Variants in NUP88 observed in about 807,000 individuals in gnomAD.
The protein encoded by NUP88 is nuclear pore complex protein Nup88.
NUP88 carries 57 observed loss-of-function variants against 93.9 expected under a neutral mutation model. The observed-to-expected ratio is 0.61, with a 90% CI of 0.49 to 0.76. NUP88 has a LOEUF of 0.76. Among genes scored for constraint, NUP88 ranks in the 30% least tolerant of loss-of-function variants. The pLI, the probability that NUP88 is intolerant of heterozygous loss-of-function variation, is 0.00. For missense variants in NUP88, 911 were observed against 901.0 expected (o/e 1.01, Z -0.14); for synonymous variants, 346 against 336.8 (o/e 1.03, Z -0.30).
At chr17:5,414,192 T>C (rs769549561) in intron 2 of NUP88, 58 bp from the exon 3 acceptor site, 46 of 1,512,592 alleles carry the variant, frequency 3.0e-5, no homozygotes, top group Non-Finnish European at 2.4e-5. Flanking sequence ...GAAAATCTTC[T>C]AAAGGAACTT....
At chr17:5,403,471 C>T (rs751606460) in intron 7 of NUP88, among the ~76,000 whole-genome samples, 1 of 152,010 alleles carries the variant, frequency 6.6e-6, no homozygotes, top group Non-Finnish European at 1.5e-5. Context: ...AGCGAGACTC[C>T]ATCTCAAAAT....
At chr17:5,397,677 G>A (rs1018191261) in intron 8 of NUP88, among the ~76,000 whole-genome samples, 6 of 152,218 alleles carry the variant, frequency 3.9e-5, no homozygotes, top group Non-Finnish European at 2.9e-5. Context: ...CTAAGTCTGT[G>A]ATGATTTACA....
rs991912444 is a variant in NUP88 at position 5,394,821 on chromosome 17, G to T, written c.1382+70C>A. ...GAATACTGTGGATGTGAGTGTAACGGATACAAACGTATCTGAACTGCTGAA... is the reference window on the plus strand; with the variant it reads ...GAATACTGTGGATGTGAGTGTAACGTATACAAACGTATCTGAACTGCTGAA... On this transcript the variant is annotated intron_variant, in intron 9 of 16. Coordinates refer to ENST00000573584, the MANE Select transcript of NUP88 (RefSeq NM_002532.6). 64 of 1,034,610 alleles carry T rather than the reference G, an allele frequency of 6.2e-5. 1 individual carries two copies. Among genetic ancestry groups the T allele is most frequent in the South Asian group, 5.0e-4 (39 of 77,850 alleles). 64.1% of individuals were successfully genotyped at this position (1,034,610 alleles called of 1,614,324 possible). A position where few individuals can be genotyped will look rare whatever the true frequency, so the allele number is the denominator to read the frequency against.
intron 4 of NUP88, 134 bp downstream of exon 4, chr17:5,410,569 A>G: frequency 4.8e-6 from 3 of 630,198 alleles, no homozygotes; most frequent in Non-Finnish European, 8.5e-6. Context: ...CTGTTCTACT[A>G]AAAATACACT....
intron 11 of NUP88, chr17:5,388,155 C>G (rs930319318): frequency 7.2e-5 from 20 of 277,810 alleles, no homozygotes; most frequent in Non-Finnish European, 1.4e-5. Context: ...TGCCCACCAC[C>G]ACGCCTGGCT....
rs771421605 is a variant in NUP88 at position 5,416,673 on chromosome 17, A to C, written c.307T>G (p.Cys103Gly). 4 of 1,604,132 alleles carry C rather than the reference A, an allele frequency of 2.5e-6. No homozygotes were observed. In the East Asian group the frequency reaches 9.0e-5, roughly 36 times the overall value. The change falls in exon 2 of 17, where the codon TGC (cysteine) becomes GGC (glycine). Residue 103 changes from cysteine to glycine, a missense_variant. Transcript: ENST00000573584. ...PALSQYQRLL[C>G]INPPLFEIYQ... ...ATTTCAAACAGGGGTGGATTTATGCAAAGCAATCTCTGAAAATTAGAGCAA... is the reference window on the plus strand; with the variant it reads ...ATTTCAAACAGGGGTGGATTTATGCCAAGCAATCTCTGAAAATTAGAGCAA...
intron 10 of NUP88, among the ~76,000 whole-genome samples, chr17:5,391,142 C>T (rs138406447): frequency 5.2e-4 from 79 of 152,276 alleles, no homozygotes; most frequent in African/African-American, 1.8e-3. Context: ...TCTCGATCCC[C>T]GTTTCCACTT....
chr17:5,417,306 A>C (rs1053107784), intron 1 of NUP88, among the ~76,000 whole-genome samples: 2 of 152,274 alleles, frequency 1.3e-5, no homozygotes, highest in Admixed American at 1.3e-4. Flanking sequence ...CTGGACATAC[A>C]AAAATAAGTA....
chr17:5,401,579 C>T (rs1406551221), intron 7 of NUP88, among the ~76,000 whole-genome samples: 1 of 152,096 alleles, frequency 6.6e-6, no homozygotes, highest in East Asian at 1.9e-4. Flanking sequence ...ATTTTTCTGT[C>T]TTATATATTG....
intron 3 of NUP88, among the ~76,000 whole-genome samples, 161 bp downstream of exon 3, chr17:5,413,848 A>G (rs1913982377): frequency 6.6e-6 from 1 of 152,250 alleles, no homozygotes; most frequent in Admixed American, 6.5e-5. Flanking sequence ...AAGTTAGAGC[A>G]GTTAGGCAAT....
chr17:5,397,523 G>C (rs77922546), intron 8 of NUP88, among the ~76,000 whole-genome samples: 2,462 of 152,186 alleles, frequency 0.016, 74 homozygotes, highest in African/African-American at 0.055. Flanking sequence ...GAATGTGGCA[G>C]GAGCTGAAAA....
chr17:5,416,791 A>G (rs1311868475), intron 1 of NUP88, 109 bp from the exon 2 acceptor site: 1 of 898,708 alleles, frequency 1.1e-6, no homozygotes, highest in Non-Finnish European at 1.7e-6. Flanking sequence ...AGGATAATAA[A>G]ACTCTGGATA....
chr17:5,408,800 C>A lies in NUP88; in HGVS notation c.790G>T (p.Ala264Ser). Residue 264 changes from alanine to serine, a missense_variant, in exon 5 of 17, where the codon GCA becomes TCA. By Grantham distance (99) the Ala-to-Ser change is moderately conservative (BLOSUM62 1). Transcript: ENST00000573584. The stretch of plus-strand genomic sequence containing the variant: ...TCATATAAGATGTACAGTGGGTATG[C>A]CACTACTTCATCTTTGCCGTTTTGT... ...FGQNGKDEVVAYPLYILYENG... is the reference protein window; with the variant it reads ...FGQNGKDEVVSYPLYILYENG... The A allele has an allele frequency of 6.2e-7, 1 of 1,613,966 alleles. No homozygotes were observed.
Position 5,419,481 on chromosome 17 carries a change from G to A in NUP88, c.170C>T (p.Thr57Met), listed in dbSNP as rs780513665. 4 of 1,614,050 alleles carry A rather than the reference G, an allele frequency of 2.5e-6. No individual in the cohort carries two copies. Among genetic ancestry groups the A allele is most frequent in the East Asian group, 2.2e-5 (1 of 44,872 alleles). The stretch of plus-strand genomic sequence containing the variant: ...GCCGAGGCCAAAGACCACGTTTCTC[G>A]TCAGCAACTGCGGCGGCGGCGACGA... ...LPSSPPPQLLTRNVVFGLGGE... is the reference protein window; with the variant it reads ...LPSSPPPQLLMRNVVFGLGGE... The change falls in exon 1 of 17, where the codon ACG becomes ATG. Residue 57 changes from threonine (T) to methionine (M), a missense_variant. Transcript: ENST00000573584.
In NUP88 at chr17:5,385,270, G is replaced by A; in HGVS notation, c.*936C>T. 4.3e-6 allele frequency: 1 copy of A among 230,718 alleles called. No homozygotes were observed. Among genetic ancestry groups the A allele is most frequent in the Non-Finnish European group, 8.6e-6 (1 of 116,532 alleles). 14.3% of individuals were successfully genotyped at this position (230,718 alleles called of 1,614,324 possible). ...TTTCAACTGGGTTTTCAGCATAAATGGGAACTGATGTAGAAGGCAGGATTT... is the reference window on the plus strand; with the variant it reads ...TTTCAACTGGGTTTTCAGCATAAATAGGAACTGATGTAGAAGGCAGGATTT... On this transcript the variant is annotated 3_prime_UTR_variant, in exon 17 of 17. Transcript: ENST00000573584.
At chr17:5,404,486 T>A (rs1358007421) in intron 6 of NUP88, among the ~76,000 whole-genome samples, 1 of 151,980 alleles carries the variant, frequency 6.6e-6, no homozygotes, top group African/African-American at 2.4e-5. Context: ...TGGTGGTGGG[T>A]GCCTGTAATC....
At chr17:5,395,020 G>T (rs1313784515) in intron 8 of NUP88, 39 bp from the exon 9 acceptor site, 4 of 1,228,824 alleles carry the variant, frequency 3.3e-6, no homozygotes, top group African/African-American at 1.5e-5. Flanking sequence ...ATGATGCTTA[G>T]ACAAGTCTCC....
chr17:5,409,200 C>T (rs1002819572), intron 4 of NUP88, among the ~76,000 whole-genome samples: 1 of 151,792 alleles, frequency 6.6e-6, no homozygotes, highest in African/African-American at 2.4e-5. Flanking sequence ...ATGGTGAAAC[C>T]CCGTTTCTAC....
intron 4 of NUP88, 147 bp downstream of exon 4, chr17:5,410,556 T>TATA: frequency 1.7e-6 from 1 of 596,472 alleles, no homozygotes; most frequent in Non-Finnish European, 3.0e-6. Context: ...ACACGACGAA[T>TATA]CCCTGTTCTA....
Sources: gnomAD v4.1 joint callset for allele counts (sites outside exome capture counted in the v4.1 genomes callset) on GRCh38, gnomAD v4.1.1 for gene constraint, MANE v1.5 for transcripts, NCBI Gene and HGNC (gene_info 2026-07-23, HGNC 2026-07-21) for gene names.